Variants in TMC3 observed in about 807,000 individuals in gnomAD.
TMC3 encodes the protein transmembrane channel like 3.
In TMC3, 98 loss-of-function variants were observed where a neutral mutation model predicts 110.6. That is an observed-to-expected ratio of 0.89 (90% CI 0.75 to 1.05). The LOEUF (loss-of-function observed/expected upper bound fraction) is 1.05. Ranked by LOEUF, TMC3 falls within the 50% of genes least tolerant of loss-of-function variation. The probability of loss-of-function intolerance (pLI) is 0.00; values close to 1 mark genes in which losing one functional copy is unlikely to be tolerated. For synonymous variants in TMC3, 489 were observed against 513.1 expected, an observed-to-expected ratio of 0.95 and a Z score of 0.63; for missense variants, 1,319 against 1,373.2, an observed-to-expected ratio of 0.96 and a Z score of 0.62.
intron 2 of TMC3, among the ~76,000 whole-genome samples, chr15:81,370,398 G>A (rs1024945222): frequency 7.2e-5 from 11 of 152,184 alleles, no homozygotes; most frequent in Admixed American, 2.6e-4. Flanking sequence ...AGAGGATGAC[G>A]GACGAAGGTG....
chr15:81,334,030 CT>C lies in TMC3; in HGVS notation c.2459+689del, dbSNP rs150525019. On this transcript the variant is annotated intron_variant, in intron 21 of 21. Coordinates refer to ENST00000359440, the MANE Select transcript of TMC3 (RefSeq NM_001080532.3). ...AGTTCTTCCTGATAAAGACTTGAAT[CT>C]GTATGGTGGCTGTAGTTTGACCCCT... 9.1e-3 allele frequency among the ~76,000 whole-genome samples: 1,382 copies of C among 151,962 alleles called. 20 individuals are homozygous for C. The highest frequency in any genetic ancestry group is 0.032 in the African/African-American group (1,312 of 41,420).
At chr15:81,333,991 CAA>C (rs949681769) in intron 21 of TMC3, among the ~76,000 whole-genome samples, 7 of 130,872 alleles carry the variant, frequency 5.3e-5, no homozygotes, top group African/African-American at 2.8e-5. Context: ...ACCCTAGTCT[CAA>C]AAAAAAAAAA....
chr15:81,335,118 T>C, intron 20 of TMC3, 143 bp from the exon 21 acceptor site: 1 of 851,492 alleles, frequency 1.2e-6, no homozygotes, highest in East Asian at 2.7e-5. Flanking sequence ...ACCTAACCAG[T>C]GGGCAACAAA....
intron 19 of TMC3, 74 bp from the exon 20 acceptor site, chr15:81,336,725 G>T: frequency 6.8e-7 from 1 of 1,477,746 alleles, no homozygotes; most frequent in Non-Finnish European, 9.4e-7. Flanking sequence ...CCTGGGGGAA[G>T]AGAAAAAGAT....
intron 11 of TMC3, among the ~76,000 whole-genome samples, chr15:81,348,141 G>A (rs1893865121): frequency 2.0e-5 from 3 of 152,188 alleles, no homozygotes; most frequent in African/African-American, 7.2e-5. Flanking sequence ...GTTGAGTAGT[G>A]GTGATAGAGA....
At chr15:81,344,572 C>A (rs1055866660) in intron 13 of TMC3, among the ~76,000 whole-genome samples, 194 bp downstream of exon 13, 1 of 152,220 alleles carries the variant, frequency 6.6e-6, no homozygotes, top group Non-Finnish European at 1.5e-5. Flanking sequence ...TAGGACAGGA[C>A]CCAGCATGCG....
At chr15:81,367,467 A>G (rs966283614) in intron 3 of TMC3, among the ~76,000 whole-genome samples, 2 of 152,250 alleles carry the variant, frequency 1.3e-5, no homozygotes, top group Non-Finnish European at 2.9e-5. Context: ...GTTTCTACAC[A>G]TTTATGAAAT....
intron 16 of TMC3, among the ~76,000 whole-genome samples, chr15:81,341,075 T>C (rs528905087): frequency 1.3e-5 from 2 of 152,372 alleles, no homozygotes; most frequent in South Asian, 4.1e-4. Context: ...TGTTTTTTGA[T>C]CTGAGTGCCT....
chr15:81,358,330 T>G, intron 6 of TMC3, 39 bp from the exon 7 acceptor site: 1 of 1,598,196 alleles, frequency 6.3e-7, no homozygotes, highest in Non-Finnish European at 8.5e-7. Context: ...TGCTTCCCGT[T>G]CCCAGGTCTC....
chr15:81,334,383 G>A (rs1893543721), intron 21 of TMC3, among the ~76,000 whole-genome samples: 1 of 152,146 alleles, frequency 6.6e-6, no homozygotes, highest in Non-Finnish European at 1.5e-5. Flanking sequence ...GACCAGACTA[G>A]GGCTAAAATA....
intron 7 of TMC3, among the ~76,000 whole-genome samples, chr15:81,356,959 G>A (rs1282199136): frequency 1.3e-5 from 2 of 152,160 alleles, no homozygotes; most frequent in Non-Finnish European, 2.9e-5. Context: ...CAGTCTTCTT[G>A]GAGCTCCTTC....
intron 14 of TMC3, 116 bp from the exon 15 acceptor site, chr15:81,343,461 G>A: frequency 1.4e-6 from 1 of 692,704 alleles, no homozygotes; most frequent in Non-Finnish European, 2.6e-6. Context: ...AGAGATCAGT[G>A]CTTGTGGGGC....
chr15:81,350,905 G>A (rs912271335), intron 10 of TMC3, among the ~76,000 whole-genome samples: 5 of 152,198 alleles, frequency 3.3e-5, no homozygotes, highest in East Asian at 1.9e-4. Context: ...TTGGGGGGGA[G>A]AAGATTGTTT....
Position 81,365,998 on chromosome 15 carries a change from C to A in TMC3, c.312+2255G>T, listed in dbSNP as rs562276162. On this transcript the variant is annotated intron_variant, in intron 3 of 21. Coordinates refer to ENST00000359440, the MANE Select transcript of TMC3 (RefSeq NM_001080532.3). Reference sequence around the variant, plus strand: ...CATTATACATACATATGTATGTATACATTTATCATTATACATGTATGTATC... The same window carrying A: ...CATTATACATACATATGTATGTATAAATTTATCATTATACATGTATGTATC... Among the ~76,000 whole-genome samples, 5 of 152,166 alleles carry A rather than the reference C, an allele frequency of 3.3e-5. No individual in the cohort carries two copies. The East Asian group carries it at 9.7e-4, about 29-fold the overall frequency.
At chr15:81,340,962 G>A (rs942183479) in intron 16 of TMC3, among the ~76,000 whole-genome samples, 3 of 152,206 alleles carry the variant, frequency 2.0e-5, no homozygotes, top group African/African-American at 4.8e-5. Context: ...GTGTGATTAC[G>A]TTTACATCAA....
At chr15:81,360,539 G>A (rs935149799) in intron 4 of TMC3, among the ~76,000 whole-genome samples, 31 of 152,166 alleles carry the variant, frequency 2.0e-4, no homozygotes, top group African/African-American at 6.5e-4. Context: ...TAGAAGCAGA[G>A]CTTGAGAAAG....
chr15:81,361,325 C>G (rs894895186), intron 4 of TMC3, among the ~76,000 whole-genome samples: 2 of 152,028 alleles, frequency 1.3e-5, no homozygotes, highest in African/African-American at 4.8e-5. Flanking sequence ...ATCAATTGTT[C>G]CAGTGATATT....
chr15:81,358,757 G>T (rs1894121988), intron 5 of TMC3, among the ~76,000 whole-genome samples: 1 of 149,434 alleles, frequency 6.7e-6, no homozygotes, highest in Non-Finnish European at 1.5e-5. Flanking sequence ...GACCCCTGTT[G>T]GGAAATGGCC....
At chr15:81,334,578 C>A (rs948366498) in intron 21 of TMC3, 142 bp downstream of exon 21, 2 of 1,180,132 alleles carry the variant, frequency 1.7e-6, no homozygotes, top group Non-Finnish European at 2.3e-6. Context: ...GCCTCCATTT[C>A]TTTTTAGTAC....
Sources: gnomAD v4.1 joint callset for allele counts (sites outside exome capture counted in the v4.1 genomes callset) on GRCh38, gnomAD v4.1.1 for gene constraint, MANE v1.5 for transcripts, NCBI Gene and HGNC (gene_info 2026-07-23, HGNC 2026-07-21) for gene names.